The following H2AZ2 variants were observed in gnomAD, a reference collection of about 807,000 sequenced individuals.
H2AZ2 encodes the protein histone H2A.V.
A neutral mutation model predicts 15.5 loss-of-function variants in H2AZ2; 5 were observed. The observed-to-expected ratio is 0.32, with a 90% CI of 0.17 to 0.68. The LOEUF is 0.68. Ranked by LOEUF, H2AZ2 falls within the 30% of genes least tolerant of loss-of-function variation. The probability of loss-of-function intolerance (pLI) is 0.72; values close to 1 mark genes in which losing one functional copy is unlikely to be tolerated. For missense variants in H2AZ2, 42 were observed against 162.5 expected, an observed-to-expected ratio of 0.26 and a Z score of 4.03; for synonymous variants, 44 against 57.4, an observed-to-expected ratio of 0.77 and a Z score of 1.05.
At chr7:44,838,539 G>C (rs1793189364) in intron 3 of H2AZ2, among the ~76,000 whole-genome samples, 1 of 152,018 alleles carries the variant, frequency 6.6e-6, no homozygotes, top group Non-Finnish European at 1.5e-5. Context: ...GGTAGCCCCA[G>C]CTACTCCGGA....
chr7:44,833,808 T>G lies in H2AZ2; in HGVS notation c.*693A>C, dbSNP rs1793051430. 1.9e-6 allele frequency: 1 copy of G among 530,586 alleles called. No homozygotes were observed. Among genetic ancestry groups the G allele is most frequent in the African/African-American group, 2.1e-5 (1 of 48,476 alleles). The allele number at this position is 530,586 out of a possible 1,614,324, so 32.9% of individuals were successfully genotyped here. A position where few individuals can be genotyped will look rare whatever the true frequency, so the allele number is the denominator to read the frequency against. On this transcript the variant is annotated 3_prime_UTR_variant, in exon 5 of 5. Coordinates refer to ENST00000308153, the MANE Select transcript of H2AZ2 (RefSeq NM_012412.5). ...ATGTTTTTTGGCATAGCACACAATT[T>G]CTGTGACCCTTAGGCTCCACATCTA...
chr7:44,833,755 GCT>G lies in H2AZ2; in HGVS notation c.*744_*745del. 2.2e-6 allele frequency: 2 copies of G among 916,812 alleles called. No homozygotes were observed. Among genetic ancestry groups the G allele is most frequent in the African/African-American group, 1.8e-5 (1 of 55,978 alleles). The allele number at this position is 916,812 out of a possible 1,614,324, so 56.8% of individuals were successfully genotyped here. A position where few individuals can be genotyped will look rare whatever the true frequency, so the allele number is the denominator to read the frequency against. On this transcript the variant is annotated 3_prime_UTR_variant, in exon 5 of 5. Coordinates refer to ENST00000308153, the MANE Select transcript of H2AZ2 (RefSeq NM_012412.5). ...CAGCCAGATCTAGGTTTGAATCCTA[GCT>G]CTGTCATTTTCTATCTACCAGTTCA...
At chr7:44,837,434 A>G (rs1286597560) in intron 3 of H2AZ2, among the ~76,000 whole-genome samples, 35 of 5,378 alleles carry the variant, frequency 6.5e-3, no homozygotes, top group African/African-American at 0.01. Flanking sequence ...AAAAAAAAAG[A>G]AAAAAAAAAA....
chr7:44,830,766 G>A (rs1452852482), downstream of H2AZ2, among the ~76,000 whole-genome samples: 1 of 152,224 alleles, frequency 6.6e-6, no homozygotes, highest in East Asian at 1.9e-4. Flanking sequence ...GGGAGGCTGA[G>A]GCGGGTGGAT....
intron 1 of H2AZ2, among the ~76,000 whole-genome samples, chr7:44,846,384 G>T (rs369750733): frequency 3.3e-5 from 5 of 152,102 alleles, no homozygotes; most frequent in African/African-American, 1.2e-4. Flanking sequence ...TTGTCAGGCC[G>T]AGGGGGGCGG....
At position 44,834,497 on chromosome 7, in the gene H2AZ2, C is replaced by T. The variant is rs1160489047; in HGVS notation, c.*4G>A. 4 of 1,608,362 alleles carry T rather than the reference C, an allele frequency of 2.5e-6. No homozygotes were observed. The highest frequency in any genetic ancestry group is 1.7e-5 in the Admixed American group (1 of 59,962). Reference sequence around the variant, plus strand: ...GGAGGAAGAGGGTTGGTTAAAGCATCCCTCTAAGCAGTTTTCTGCTGTCCC... The same window carrying T: ...GGAGGAAGAGGGTTGGTTAAAGCATTCCTCTAAGCAGTTTTCTGCTGTCCC... On this transcript the variant is annotated 3_prime_UTR_variant, in exon 5 of 5. Transcript: ENST00000308153.
Position 44,848,075 on chromosome 7 carries a change from G to T in H2AZ2, c.-104C>A, listed in dbSNP as rs899278977. On this transcript the variant is annotated 5_prime_UTR_variant, in exon 1 of 5. Transcript: ENST00000308153. ...GCACCGACCGCCGCCGCCGGAGCCG[G>T]ACAATACCCCGTGCCCGCCTCGCGC... The T allele has an allele frequency of 1.6e-6, 1 of 636,082 alleles. No individual in the cohort carries two copies. The highest frequency in any genetic ancestry group is 4.6e-5 in the Admixed American group (1 of 21,738). The allele number at this position is 636,082 out of a possible 1,614,324, so 39.4% of individuals were successfully genotyped here.
At chr7:44,847,912 G>A in intron 1 of H2AZ2, 57 bp downstream of exon 1, 3 of 1,531,582 alleles carry the variant, frequency 2.0e-6, no homozygotes, top group South Asian at 1.2e-5. Flanking sequence ...CGACGCCAGG[G>A]CCTCCGCGCT....
intron 2 of H2AZ2, among the ~76,000 whole-genome samples, chr7:44,842,843 A>G (rs1191497782): frequency 2.6e-5 from 4 of 152,098 alleles, no homozygotes; most frequent in African/African-American, 9.7e-5. Context: ...AGCCTTCCTG[A>G]TTAAAAGGGT....
At chr7:44,839,551 G>A (rs1248220408) in intron 3 of H2AZ2, among the ~76,000 whole-genome samples, 3 of 151,802 alleles carry the variant, frequency 2.0e-5, no homozygotes, top group East Asian at 1.9e-4. Context: ...GCGTGGTGGC[G>A]GGTGCCTGTA....
In H2AZ2 at chr7:44,835,146, T is replaced by G. The variant is rs559265579; in HGVS notation, c.325+383A>C. ...CAAAGAAGATTAAGAACCACCAACT[T>G]ACCTCTCACTTTCATTGATCCTGAC... is the stretch of plus-strand genomic sequence containing the variant. On this transcript the variant is annotated intron_variant, in intron 4 of 4. Coordinates refer to ENST00000308153, the MANE Select transcript of H2AZ2 (RefSeq NM_012412.5). 2.3e-5 allele frequency: 5 copies of G among 219,132 alleles called. No homozygotes were observed. In the South Asian group the frequency reaches 5.7e-4, roughly 25 times the overall value. 13.6% of individuals were successfully genotyped at this position (219,132 alleles called of 1,614,324 possible). A position where few individuals can be genotyped will look rare whatever the true frequency, so the allele number is the denominator to read the frequency against.
intron 3 of H2AZ2, among the ~76,000 whole-genome samples, chr7:44,836,819 AC>A (rs1204556632): frequency 6.6e-6 from 1 of 151,084 alleles, no homozygotes; most frequent in Non-Finnish European, 1.5e-5. Context: ...ACACGGTGAA[AC>A]CCTGTCTCTA....
At position 44,848,061 on chromosome 7, in the gene H2AZ2, C is replaced by G. The variant is rs1314685375; in HGVS notation, c.-90G>C. The G allele has an allele frequency of 6.2e-6, 5 of 807,524 alleles. No homozygotes were observed. The highest frequency in any genetic ancestry group is 8.3e-6 in the Non-Finnish European group (5 of 604,164). The allele number at this position is 807,524 out of a possible 1,614,324, so 50.0% of individuals were successfully genotyped here. A position where few individuals can be genotyped will look rare whatever the true frequency, so the allele number is the denominator to read the frequency against. On this transcript the variant is annotated 5_prime_UTR_variant, in exon 1 of 5. Transcript: ENST00000308153. ...CCGCCGCTCTCGCAGCACCGACCGC[C>G]GCCGCCGGAGCCGGACAATACCCCG...
rs1307972372 is a variant in H2AZ2, at chr7:44,847,972, G to A, written c.-1C>T. 5.4e-6 allele frequency: 8 copies of A among 1,470,596 alleles called. No individual in the cohort carries two copies. The highest frequency in any genetic ancestry group is 4.4e-5 in the African/African-American group (3 of 68,426). 91.1% of individuals were successfully genotyped at this position (1,470,596 alleles called of 1,614,324 possible). ...CGGCCCACCCGGCCGCCCTTACCAT[G>A]TTCTCGGCGCCGACTCCGCCTCCGC... On this transcript the variant is annotated 5_prime_UTR_variant, in exon 1 of 5. Coordinates refer to ENST00000308153, the MANE Select transcript of H2AZ2 (RefSeq NM_012412.5).
chr7:44,837,666 A>AT (rs1188423013), intron 3 of H2AZ2, among the ~76,000 whole-genome samples: 3 of 151,376 alleles, frequency 2.0e-5, no homozygotes, highest in Non-Finnish European at 4.4e-5. Context: ...AATTTTTTGT[A>AT]TTTTTTTGTA....
rs148045208 is a variant in H2AZ2 at position 44,833,817 on chromosome 7, C to T, written c.*684G>A. On this transcript the variant is annotated 3_prime_UTR_variant, in exon 5 of 5. Coordinates refer to ENST00000308153, the MANE Select transcript of H2AZ2 (RefSeq NM_012412.5). The stretch of plus-strand genomic sequence containing the variant: ...GGCATAGCACACAATTTCTGTGACC[C>T]TTAGGCTCCACATCTATAATGTGGC... The T allele has an allele frequency of 3.1e-4, 139 of 452,038 alleles. 2 individuals carry two copies. Among genetic ancestry groups the T allele is most frequent in the African/African-American group, 2.8e-3 (131 of 47,032 alleles). The allele number at this position is 452,038 out of a possible 1,614,324, so 28.0% of individuals were successfully genotyped here.
Position 44,848,056 on chromosome 7 carries a change from A to ACCG in H2AZ2, c.-88_-86dup, listed in dbSNP as rs1377553683. ...CGCCGCCGCCGCTCTCGCAGCACCG[A>ACCG]CCGCCGCCGCCGGAGCCGGACAATA... is the stretch of plus-strand genomic sequence containing the variant. On this transcript the variant is annotated 5_prime_UTR_variant, in exon 1 of 5. Coordinates refer to ENST00000308153, the MANE Select transcript of H2AZ2 (RefSeq NM_012412.5). The ACCG allele has an allele frequency of 8.2e-6, 7 of 856,388 alleles. No individual in the cohort carries two copies. Among genetic ancestry groups the ACCG allele is most frequent in the African/African-American group, 5.4e-5 (3 of 55,836 alleles). The allele number at this position is 856,388 out of a possible 1,614,324, so 53.0% of individuals were successfully genotyped here.
intron 3 of H2AZ2, among the ~76,000 whole-genome samples, chr7:44,836,366 A>C (rs1793123088): frequency 6.6e-6 from 1 of 152,050 alleles, no homozygotes; most frequent in African/African-American, 2.4e-5. Flanking sequence ...TGTATTTTTA[A>C]AATTTTTTAA....
chr7:44,831,104 T>C (rs1404591634), downstream of H2AZ2, among the ~76,000 whole-genome samples: 1 of 152,066 alleles, frequency 6.6e-6, no homozygotes, highest in Non-Finnish European at 1.5e-5. Context: ...GAGGTGGAGG[T>C]TGCAGTGAGC....
Sources: allele counts gnomAD v4.1 joint callset (sites outside exome capture counted in the v4.1 genomes callset), GRCh38; gene constraint gnomAD v4.1.1; transcripts MANE v1.5; gene names NCBI Gene and HGNC (gene_info 2026-07-23, HGNC 2026-07-21).